SLITRK4: variants seen among roughly 807,000 people sequenced by gnomAD.
SLITRK4 encodes the protein SLIT and NTRK-like protein 4.
In SLITRK4, 7 loss-of-function variants were observed where a neutral mutation model predicts 34.7. The observed-to-expected ratio is 0.20, with a 90% CI of 0.11 to 0.38. The LOEUF is 0.38. Among genes scored for constraint, SLITRK4 ranks in the 10% least tolerant of loss-of-function variants. The pLI is 1.00. For synonymous variants in SLITRK4, 237 were observed against 246.2 expected (o/e 0.96, Z 0.35); for missense variants, 474 against 607.0 (o/e 0.78, Z 2.30).
At chrX:143,634,260 T>A (rs1452330147) in intron 1 of SLITRK4, 12 of 112,260 alleles carry the variant, frequency 1.1e-4, no homozygotes, top group African/African-American at 3.2e-4. Context: ...CAGCTCAACA[T>A]TTAGGCCCCT....
chrX:143,629,091 T>C lies in SLITRK4; in HGVS notation c.2018A>G (p.His673Arg). 8.3e-7 allele frequency: 1 copy of C among 1,212,053 alleles called. No homozygotes were observed. Among genetic ancestry groups the C allele is most frequent in the Non-Finnish European group, 1.1e-6 (1 of 895,623 alleles). Residue 673 changes from histidine to arginine, a missense_variant, in exon 2 of 2, where the codon CAC becomes CGC. Coordinates refer to ENST00000356928, the MANE Select transcript of SLITRK4 (RefSeq NM_001184749.3). ...SMQLQLRKHD[H>R]KTNKKDGLST... The stretch of plus-strand genomic sequence containing the variant: ...CAGTCCATCTTTTTTATTGGTTTTG[T>C]GGTCATGCTTCCTTAGCTGCAGCTG...
Position 143,628,748 on chromosome X carries a change from G to A in SLITRK4, c.2361C>T (p.Asp787=). Residue 787 remains aspartate (D), a synonymous_variant, in exon 2 of 2, where the codon GAC becomes GAT. Transcript: ENST00000356928. ...FEIRYPEKQP[D]KKSKKSLIGG... is the part of the protein sequence containing the mutation. ...CTATCAGTGACTTCTTACTTTTTTTGTCTGGTTGTTTTTCTGGATAGCGGA... is the reference window on the plus strand; with the variant it reads ...CTATCAGTGACTTCTTACTTTTTTTATCTGGTTGTTTTTCTGGATAGCGGA... 8.3e-7 allele frequency: 1 copy of A among 1,210,574 alleles called. No individual in the cohort carries two copies. The highest frequency in any genetic ancestry group is 1.1e-6 in the Non-Finnish European group (1 of 895,286).
chrX:143,634,725 C>CT (rs1295171594), intron 1 of SLITRK4, among the ~76,000 whole-genome samples: 9 of 108,190 alleles, frequency 8.3e-5, no homozygotes, highest in Non-Finnish European at 5.8e-5. Context: ...TACCTGCCCC[C>CT]TCGGCTCGCG....
At position 143,634,941 on chromosome X, in the gene SLITRK4, A is replaced by G. The variant is rs1303268521; in HGVS notation, c.-51+794T>C. On this transcript the variant is annotated intron_variant, in intron 1 of 1. Coordinates refer to ENST00000356928, the MANE Select transcript of SLITRK4 (RefSeq NM_001184749.3). ...CGTGACCTGCGCTGCTGTTTCCACG[A>G]TGGTATCTATGTGATTCCGGACAGA... The G allele has an allele frequency of 3.7e-5, 4 of 108,394 alleles. No homozygotes were observed. In the Admixed American group the frequency reaches 3.9e-4, roughly 11 times the overall value. The allele number at this position is 108,394 out of a possible 1,213,427, so 8.9% of individuals were successfully genotyped here.
At position 143,629,085 on chromosome X, in the gene SLITRK4, G is replaced by T; in HGVS notation, c.2024C>A (p.Thr675Asn). Residue 675 changes from threonine (T) to asparagine (N), a missense_variant, in exon 2 of 2, where the codon ACC becomes AAC. Thr to Asn is a moderately conservative substitution (Grantham distance 65). Transcript: ENST00000356928. Reference protein sequence around the residue: ...QLQLRKHDHKTNKKDGLSTEA... With the variant: ...QLQLRKHDHKNNKKDGLSTEA... ...TGTGCTCAGTCCATCTTTTTTATTGGTTTTGTGGTCATGCTTCCTTAGCTG... is the reference window on the plus strand; with the variant it reads ...TGTGCTCAGTCCATCTTTTTTATTGTTTTTGTGGTCATGCTTCCTTAGCTG... 1 of 1,211,623 alleles carries T rather than the reference G, an allele frequency of 8.3e-7. No individual in the cohort carries two copies. Among genetic ancestry groups the T allele is most frequent in the Non-Finnish European group, 1.1e-6 (1 of 895,518 alleles).
Position 143,625,075 on chromosome X carries a change from T to C in SLITRK4, c.*3520A>G, listed in dbSNP as rs1338810115. The C allele has an allele frequency of 3.6e-5, 4 of 111,402 alleles. No homozygotes were observed. The highest frequency in any genetic ancestry group is 7.6e-5 in the Non-Finnish European group (4 of 52,780). The allele number at this position is 111,402 out of a possible 1,213,427, so 9.2% of individuals were successfully genotyped here. On this transcript the variant is annotated 3_prime_UTR_variant, in exon 2 of 2. Transcript: ENST00000356928. Reference sequence around the variant, plus strand: ...ATGCAAAAAATGTTATAGATTAATATTACCACCATACATTTCTAGACGTGT... The same window carrying C: ...ATGCAAAAAATGTTATAGATTAATACTACCACCATACATTTCTAGACGTGT...
rs1930907718 is a variant in SLITRK4, at chrX:143,628,820, A to G, written c.2289T>C (p.Leu763=). ...RDSNVFIQNF[L]ESKKEYNSIG... is the part of the protein sequence containing the mutation. Reference sequence around the variant, plus strand: ...TGCTATTATACTCCTTTTTGCTTTCAAGAAAATTCTGAATAAACACATTGG... The same window carrying G: ...TGCTATTATACTCCTTTTTGCTTTCGAGAAAATTCTGAATAAACACATTGG... The change falls in exon 2 of 2, where the codon CTT becomes CTC. Residue 763 remains leucine, a synonymous_variant. Transcript: ENST00000356928. 3.3e-6 allele frequency: 4 copies of G among 1,210,277 alleles called. No homozygotes were observed. The highest frequency in any genetic ancestry group is 4.5e-6 in the Non-Finnish European group (4 of 895,160).
chrX:143,626,296 A>G lies in SLITRK4; in HGVS notation c.*2299T>C, dbSNP rs1556425447. On this transcript the variant is annotated 3_prime_UTR_variant, in exon 2 of 2. Coordinates refer to ENST00000356928, the MANE Select transcript of SLITRK4 (RefSeq NM_001184749.3). ...GTCCTTATGAAATTGTAGATGAAAA[A>G]AGCTGTTGGGCACACATCTTGTCTT... 4 of 111,207 alleles carry G rather than the reference A, an allele frequency of 3.6e-5. No homozygotes were observed. The highest frequency in any genetic ancestry group is 2.9e-4 in the Admixed American group (3 of 10,408). The allele number at this position is 111,207 out of a possible 1,213,427, so 9.2% of individuals were successfully genotyped here.
Position 143,629,247 on chromosome X carries a change from A to T in SLITRK4, c.1862T>A (p.Ile621Asn). 8.3e-7 allele frequency: 1 copy of T among 1,212,056 alleles called. No homozygotes were observed. Among genetic ancestry groups the T allele is most frequent in the Non-Finnish European group, 1.1e-6 (1 of 895,628 alleles). The change falls in exon 2 of 2, where the codon ATC (isoleucine) becomes AAC (asparagine). Residue 621 changes from isoleucine to asparagine, a missense_variant. By Grantham distance (149) the Ile-to-Asn change is moderately radical. Coordinates refer to ENST00000356928, the MANE Select transcript of SLITRK4 (RefSeq NM_001184749.3). ...AATGAGGACCACTAAGATACTTAAGATTAAAATAGACAGAGGCACTGGCCC... is the reference window on the plus strand; with the variant it reads ...AATGAGGACCACTAAGATACTTAAGTTTAAAATAGACAGAGGCACTGGCCC... ...PGGPVPLSIL[I>N]LSILVVLILT... is the part of the protein sequence containing the mutation.
At chrX:143,631,780 T>C (rs5907448) in intron 1 of SLITRK4, among the ~76,000 whole-genome samples, 29,072 of 110,137 alleles carry the variant, frequency 0.26, 3,361 homozygotes, top group Admixed American at 0.4. Context: ...TCAATCGGTT[T>C]ACTCCTGTAC....
At position 143,632,694 on chromosome X, in the gene SLITRK4, G is replaced by A. The variant is rs181737476; in HGVS notation, c.-50-1536C>T. Among the ~76,000 whole-genome samples the A allele has an allele frequency of 4.0e-3, 452 of 111,718 alleles. 3 individuals carry two copies. The highest frequency in any genetic ancestry group is 0.014 in the African/African-American group (432 of 30,725). On this transcript the variant is annotated intron_variant, in intron 1 of 1. Transcript: ENST00000356928. Reference sequence around the variant, plus strand: ...TGACCCAGGAGGATTTGCATTTTAAGTAGTTTGGTTCAGAATACAGCCAGC... The same window carrying A: ...TGACCCAGGAGGATTTGCATTTTAAATAGTTTGGTTCAGAATACAGCCAGC...
Position 143,635,157 on chromosome X carries a change from C to CA in SLITRK4, c.-51+577_-51+578insT, listed in dbSNP as rs1366437789. 88 of 83,440 alleles carry CA rather than the reference C, an allele frequency of 1.1e-3. 2 individuals carry two copies. Among genetic ancestry groups the CA allele is most frequent in the African/African-American group, 3.6e-3 (83 of 22,798 alleles). The allele number at this position is 83,440 out of a possible 1,213,427, so 6.9% of individuals were successfully genotyped here. On this transcript the variant is annotated intron_variant, in intron 1 of 1. Transcript: ENST00000356928. ...TCCCCGCCCCCGCTCTCCACCACCCCCCCCCACCCCGCACACAAGCAGTCC... is the reference window on the plus strand; with the variant it reads ...TCCCCGCCCCCGCTCTCCACCACCCCACCCCCACCCCGCACACAAGCAGTCC...
chrX:143,629,976 T>C lies in SLITRK4; in HGVS notation c.1133A>G (p.Asn378Ser). Residue 378 changes from asparagine (N) to serine (S), a missense_variant, in exon 2 of 2, where the codon AAT becomes AGT. Transcript: ENST00000356928. ...SMSELIPKPL[N>S]AKKLHVNGNS... ...GCCATTGACGTGCAGCTTCTTCGCA[T>C]TTAAAGGTTTCGGTATCAGTTCAGA... 8.3e-7 allele frequency: 1 copy of C among 1,211,944 alleles called. No individual in the cohort carries two copies. Among genetic ancestry groups the C allele is most frequent in the Non-Finnish European group, 1.1e-6 (1 of 895,597 alleles).
chrX:143,634,065 G>A (rs1364898619), intron 1 of SLITRK4, among the ~76,000 whole-genome samples: 1 of 112,524 alleles, frequency 8.9e-6, no homozygotes, highest in Non-Finnish European at 1.9e-5. Flanking sequence ...CGTGCGGTGG[G>A]TGAGGAGGAA....
Position 143,628,132 on chromosome X carries a change from T to TTTTTG in SLITRK4, c.*462_*463insCAAAA. On this transcript the variant is annotated 3_prime_UTR_variant, in exon 2 of 2. Coordinates refer to ENST00000356928, the MANE Select transcript of SLITRK4 (RefSeq NM_001184749.3). Reference sequence around the variant, plus strand: ...TTTTTTTTTTTTTTTTTTTTTACTTTTCAGATAATCTTTACACGGAGTTGT... The same window carrying TTTTTG: ...TTTTTTTTTTTTTTTTTTTTTACTTTTTTTGTCAGATAATCTTTACACGGAGTTGT... 1 of 194,084 alleles carries TTTTTG rather than the reference T, an allele frequency of 5.2e-6. No individual in the cohort carries two copies. The allele number at this position is 194,084 out of a possible 1,213,427, so 16.0% of individuals were successfully genotyped here. A position where few individuals can be genotyped will look rare whatever the true frequency, so the allele number is the denominator to read the frequency against.
In SLITRK4 at chrX:143,626,412, C is replaced by G. The variant is rs1026053584; in HGVS notation, c.*2183G>C. On this transcript the variant is annotated 3_prime_UTR_variant, in exon 2 of 2. Transcript: ENST00000356928. The stretch of plus-strand genomic sequence containing the variant: ...ATGTCATAAAAATTAAAATTACACA[C>G]TAAAGTTTTAAGAGCACCAGCACAT... The G allele has an allele frequency of 2.7e-5, 3 of 110,712 alleles. No homozygotes were observed. Among genetic ancestry groups the G allele is most frequent in the African/African-American group, 6.5e-5 (2 of 30,564 alleles). The allele number at this position is 110,712 out of a possible 1,213,427, so 9.1% of individuals were successfully genotyped here.
At chrX:143,632,642 G>C (rs190134293) in intron 1 of SLITRK4, among the ~76,000 whole-genome samples, 33 of 111,811 alleles carry the variant, frequency 3.0e-4, no homozygotes, top group Non-Finnish European at 6.0e-4. Flanking sequence ...AACCGAACAT[G>C]TCTCAAGGTA....
chrX:143,623,718 A>C lies in SLITRK4; in HGVS notation c.*4877T>G, dbSNP rs1344872192. 8.9e-6 allele frequency: 1 copy of C among 111,869 alleles called. No homozygotes were observed. Among genetic ancestry groups the C allele is most frequent in the Non-Finnish European group, 1.9e-5 (1 of 53,022 alleles). The allele number at this position is 111,869 out of a possible 1,213,427, so 9.2% of individuals were successfully genotyped here. A position where few individuals can be genotyped will look rare whatever the true frequency, so the allele number is the denominator to read the frequency against. On this transcript the variant is annotated 3_prime_UTR_variant, in exon 2 of 2. Coordinates refer to ENST00000356928, the MANE Select transcript of SLITRK4 (RefSeq NM_001184749.3). Reference sequence around the variant, plus strand: ...CTTAGGAAATCTGAAATTGAGAGTTAACAATTATCAGGTGAACTTGATATA... The same window carrying C: ...CTTAGGAAATCTGAAATTGAGAGTTCACAATTATCAGGTGAACTTGATATA...
At position 143,630,869 on chromosome X, in the gene SLITRK4, C is replaced by G; in HGVS notation, c.240G>C (p.Leu80Phe). The part of the protein sequence containing the change: ...FLNILYPNTF[L>F]NFSHAVSLHL... ...GCAGGGAGACTGCATGTGAAAAATTCAAGAATGTATTTGGATACAGAATAT... is the reference window on the plus strand; with the variant it reads ...GCAGGGAGACTGCATGTGAAAAATTGAAGAATGTATTTGGATACAGAATAT... The change falls in exon 2 of 2, where the codon TTG becomes TTC. Residue 80 changes from leucine to phenylalanine, a missense_variant. Leu to Phe is a conservative substitution (Grantham distance 22). Transcript: ENST00000356928. 2 of 1,206,505 alleles carry G rather than the reference C, an allele frequency of 1.7e-6. No individual in the cohort carries two copies. The highest frequency in any genetic ancestry group is 1.8e-5 in the South Asian group (1 of 55,504).
Sources: gnomAD v4.1 joint callset for allele counts (sites outside exome capture counted in the v4.1 genomes callset) on GRCh38, gnomAD v4.1.1 for gene constraint, MANE v1.5 for transcripts, NCBI Gene and HGNC (gene_info 2026-07-23, HGNC 2026-07-21) for gene names.